The following TUBGCP2 variants were observed in gnomAD, a reference collection of about 807,000 sequenced individuals.
The protein encoded by TUBGCP2 is tubulin gamma complex component 2.
A neutral mutation model predicts 92.2 loss-of-function variants in TUBGCP2; 55 were observed. The observed-to-expected ratio is 0.60, with a 90% confidence interval of 0.48 to 0.75. TUBGCP2 has a LOEUF of 0.75. Ranked by LOEUF, TUBGCP2 falls within the 30% of genes least tolerant of loss-of-function variation. The probability of loss-of-function intolerance (pLI) is 0.00; values close to 1 mark genes in which losing one functional copy is unlikely to be tolerated. For synonymous variants in TUBGCP2, 533 were observed against 505.2 expected, an observed-to-expected ratio of 1.06 and a Z score of -0.74; for missense variants, 1,093 against 1,188.9, an observed-to-expected ratio of 0.92 and a Z score of 1.19.
intron 17 of TUBGCP2, 55 bp from the exon 18 acceptor site, chr10:133,279,956 G>T: frequency 6.3e-7 from 1 of 1,578,902 alleles, no homozygotes; most frequent in South Asian, 1.2e-5. Flanking sequence ...GGTGCATGCT[G>T]GGCAGCAGGG....
At position 133,283,185 on chromosome 10, in the gene TUBGCP2, C is replaced by T. The variant is rs529538921; in HGVS notation, c.2182G>A (p.Gly728Ser). Residue 728 changes from glycine (G) to serine (S), a missense_variant, in exon 15 of 18, where the codon GGC becomes AGC. Physicochemically the swap from Gly to Ser is moderately conservative, Grantham distance 56. This residue lies in a region of TUBGCP2 where 598 missense variants were observed against 675.5 expected (regional missense o/e 0.89). Coordinates refer to ENST00000252936, the MANE Select transcript of TUBGCP2 (RefSeq NM_006659.4). The part of the protein sequence containing the change: ...NIDDVLGHHT[G>S]FLDTCLKDCM... ...TCCTTCAGGCAGGTGTCCAGGAAGC[C>T]TGTGTGGTGGCCAAGGACGTCGTCA... 3 of 1,614,228 alleles carry T rather than the reference C, an allele frequency of 1.9e-6. No homozygotes were observed. The African/African-American group carries it at 4.0e-5, about 22-fold the overall frequency.
chr10:133,289,654 G>A lies in TUBGCP2; in HGVS notation c.1360+170C>T, dbSNP rs554114875. ...CCATCTCAAGGCCTAACTCAGCGCC[G>A]CAGCCCAGCCCACGGGCCAGTCCTG... On this transcript the variant is annotated intron_variant, in intron 9 of 17. Transcript: ENST00000252936. 1.3e-3 allele frequency among the ~76,000 whole-genome samples: 203 copies of A among 152,276 alleles called. 1 individual carries two copies. Among genetic ancestry groups the A allele is most frequent in the Non-Finnish European group, 2.1e-3 (144 of 68,032 alleles).
At chr10:133,306,486 GTATT>G (rs1288457674) in intron 1 of TUBGCP2, among the ~76,000 whole-genome samples, 2 of 152,164 alleles carry the variant, frequency 1.3e-5, no homozygotes, top group Non-Finnish European at 2.9e-5. Context: ...AATCATCTGA[GTATT>G]TATTTAAAAA....
chr10:133,309,671 G>T, upstream of TUBGCP2: 1 of 1,390,902 alleles, frequency 7.2e-7, no homozygotes, highest in East Asian at 2.3e-5. Flanking sequence ...GATTGCAAAA[G>T]ATGCATAGGG....
At chr10:133,283,674 TCCCTGCCTCTCCCG>T in intron 14 of TUBGCP2, among the ~76,000 whole-genome samples, 194 bp downstream of exon 14, 1 of 6,958 alleles carries the variant, frequency 1.4e-4, no homozygotes, top group Non-Finnish European at 3.2e-4. Context: ...CTCCCTGCAC[TCCCTGCCTCTCCCG>T]CATTCCCTGC....
intron 8 of TUBGCP2, chr10:133,290,699 G>A (rs1847263034): frequency 6.6e-6 from 1 of 151,938 alleles, no homozygotes; most frequent in Non-Finnish European, 1.5e-5. Flanking sequence ...CTCGTGTGGG[G>A]TGCGTGGGGC....
rs201540736 is a variant in TUBGCP2 at position 133,289,987 on chromosome 10, G to A, written c.1215-18C>T. 459 of 1,608,240 alleles carry A rather than the reference G, an allele frequency of 2.9e-4. 1 individual carries two copies. Among genetic ancestry groups the A allele is most frequent in the Admixed American group, 2.5e-4 (15 of 59,964 alleles). ...TAAACTCACTAAAACCACAGGGAGCGCTTCGGTCACAGGCAAAGCAAGGGC... is the reference window on the plus strand; with the variant it reads ...TAAACTCACTAAAACCACAGGGAGCACTTCGGTCACAGGCAAAGCAAGGGC... On this transcript the variant is annotated intron_variant, in intron 8 of 17. Coordinates refer to ENST00000252936, the MANE Select transcript of TUBGCP2 (RefSeq NM_006659.4).
upstream of TUBGCP2, chr10:133,309,673 T>TA (rs1847942549): frequency 4.3e-6 from 6 of 1,397,656 alleles, no homozygotes; most frequent in Admixed American, 6.8e-5. Flanking sequence ...TTGCAAAAGA[T>TA]GCATAGGGGC....
In TUBGCP2 at chr10:133,285,512, C is replaced by T; in HGVS notation, c.1839G>A (p.Leu613=). The T allele has an allele frequency of 6.2e-7, 1 of 1,608,090 alleles. No homozygotes were observed. Among genetic ancestry groups the T allele is most frequent in the African/African-American group, 1.3e-5 (1 of 74,920 alleles). ...ADPTELALSG[L]EAFSFDYIVK... Reference sequence around the variant, plus strand: ...CGATGTAGTCGAAAGAGAAGGCCTCCAGGCCGCTCAGCGCCAGCTCCGTGG... The same window carrying T: ...CGATGTAGTCGAAAGAGAAGGCCTCTAGGCCGCTCAGCGCCAGCTCCGTGG... Residue 613 remains leucine (L), a synonymous_variant, in exon 12 of 18, where the codon CTG becomes CTA. Coordinates refer to ENST00000252936, the MANE Select transcript of TUBGCP2 (RefSeq NM_006659.4). The surrounding 1 kb of genome is among the most constrained non-coding windows in gnomAD (Gnocchi z 6.8).
chr10:133,282,252 C>T lies in TUBGCP2; in HGVS notation c.2380G>A (p.Glu794Lys). 6.2e-7 allele frequency: 1 copy of T among 1,611,834 alleles called. No individual in the cohort carries two copies. The highest frequency in any genetic ancestry group is 1.3e-5 in the African/African-American group (1 of 75,016). ...CTGGCGAGCTCCTTCCGGGCCCGCT[C>T]CTCGGCCCCTGCGGGCAGCCCCAGG... ...TVLGLPAGAE[E>K]RARKELARKH... The change falls in exon 16 of 18, where the codon GAG becomes AAG. Residue 794 changes from glutamate to lysine, a missense_variant. By Grantham distance (56) the Glu-to-Lys change is moderately conservative. This residue lies in a region of TUBGCP2 where 598 missense variants were observed against 675.5 expected (regional missense o/e 0.89). Transcript: ENST00000252936.
At chr10:133,292,993 C>T (rs1327748576) in intron 7 of TUBGCP2, 46 bp downstream of exon 7, 1 of 1,593,052 alleles carries the variant, frequency 6.3e-7, no homozygotes, top group Non-Finnish European at 8.6e-7. Context: ...CCATGTTCAA[C>T]ACCTGCCACC....
At chr10:133,310,058 C>T (rs1360185293), upstream of TUBGCP2, 29 of 1,608,430 alleles carry the variant, frequency 1.8e-5, no homozygotes, top group East Asian at 8.9e-5. Flanking sequence ...CTCGGGTGCT[C>T]GGGCAAGGCC....
At chr10:133,303,345 T>C (rs1038801427) in intron 1 of TUBGCP2, among the ~76,000 whole-genome samples, 29 of 152,212 alleles carry the variant, frequency 1.9e-4, no homozygotes, top group Non-Finnish European at 4.1e-4. Flanking sequence ...GGGCCTGGGA[T>C]TCACCTGCCT....
chr10:133,282,116 G>A, intron 16 of TUBGCP2, 107 bp downstream of exon 16: 2 of 1,536,850 alleles, frequency 1.3e-6, no homozygotes, highest in South Asian at 1.2e-5. Flanking sequence ...TCTGAGGGGA[G>A]ATGGAAGTAA....
intron 4 of TUBGCP2, 55 bp from the exon 5 acceptor site, chr10:133,298,166 C>T (rs1847534787): frequency 1.3e-6 from 2 of 1,572,130 alleles, no homozygotes; most frequent in Non-Finnish European, 1.7e-6. Context: ...AGCGCAAACA[C>T]TCAACTAAAG....
upstream of TUBGCP2, chr10:133,309,740 C>G (rs1363209463): frequency 6.8e-6 from 11 of 1,609,278 alleles, no homozygotes; most frequent in Non-Finnish European, 9.3e-6. Flanking sequence ...TTCCTCGCAC[C>G]GGAGGAAGGG....
At chr10:133,307,489 G>T (rs561651981) in intron 1 of TUBGCP2, among the ~76,000 whole-genome samples, 1 of 152,338 alleles carries the variant, frequency 6.6e-6, no homozygotes, top group Non-Finnish European at 1.5e-5. Context: ...AATGTCAAGA[G>T]CCCAAAGGCT....
upstream of TUBGCP2, chr10:133,309,424 A>G: frequency 3.1e-6 from 5 of 1,612,554 alleles, no homozygotes; most frequent in Middle Eastern, 5.0e-4. Flanking sequence ...TACCTCCAGG[A>G]CGTGATCATG....
rs920368350 is a variant in TUBGCP2, at chr10:133,282,453, C to T, written c.2290-111G>A. 53 of 1,391,476 alleles carry T rather than the reference C, an allele frequency of 3.8e-5. No individual in the cohort carries two copies. In the Admixed American group the frequency reaches 9.4e-4, roughly 25 times the overall value. The allele number at this position is 1,391,476 out of a possible 1,614,324, so 86.2% of individuals were successfully genotyped here. On this transcript the variant is annotated intron_variant, in intron 15 of 17. Coordinates refer to ENST00000252936, the MANE Select transcript of TUBGCP2 (RefSeq NM_006659.4). ...CCCTCCGCACCTCTGTTGTAGCCTG[C>T]GGCTGGGGGTACACAAGCATCTCTG...
Sources: gnomAD v4.1 joint callset for allele counts (sites outside exome capture counted in the v4.1 genomes callset) on GRCh38, gnomAD v4.1.1 for gene constraint, gnomAD v4.1.1 regional missense constraint, Gnocchi (gnomAD v3.1) non-coding constraint, MANE v1.5 for transcripts, NCBI Gene and HGNC (gene_info 2026-07-23, HGNC 2026-07-21) for gene names.